The following TOGARAM1 variants were observed in gnomAD, a reference collection of about 807,000 sequenced individuals.
TOGARAM1 encodes TOG array regulator of axonemal microtubules protein 1.
TOGARAM1 carries 100 observed loss-of-function variants against 166.6 expected under a neutral mutation model. The observed-to-expected ratio is 0.60, with a 90% confidence interval of 0.51 to 0.71. The LOEUF (loss-of-function observed/expected upper bound fraction) is 0.71, where lower values mean the gene tolerates loss of function less well. Ranked by LOEUF, TOGARAM1 falls within the 30% of genes least tolerant of loss-of-function variation. TOGARAM1 has a pLI of 0.00. For missense variants in TOGARAM1, 2,029 were observed against 2,102.7 expected, an observed-to-expected ratio of 0.96 and a Z score of 0.69; for synonymous variants, 758 against 763.8, an observed-to-expected ratio of 0.99 and a Z score of 0.13.
chr14:44,997,330 C>G (rs887386679), intron 2 of TOGARAM1: 1 of 140,210 alleles, frequency 7.1e-6, no homozygotes, highest in African/African-American at 2.7e-5. Flanking sequence ...CTCTTCAACC[C>G]GGGAGGCAGA....
chr14:45,068,593 G>A lies in TOGARAM1; in HGVS notation c.4919G>A (p.Gly1640Asp), dbSNP rs1336609933. 1.2e-6 allele frequency: 2 copies of A among 1,613,010 alleles called. No homozygotes were observed. Residue 1640 changes from glycine to aspartate, a missense_variant, in exon 18 of 20, where the codon GGC (glycine) becomes GAC (aspartate). Physicochemically the swap from Gly to Asp is moderately conservative, Grantham distance 94. Around this residue, in one of 2 missense-constraint regions of TOGARAM1, gnomAD observed 576 missense variants for 670.5 expected, o/e 0.86. Coordinates refer to ENST00000361462, the MANE Select transcript of TOGARAM1 (RefSeq NM_001308120.2). ...VDNNLNSKNP[G>D]IYAAATNVVQ... Reference sequence around the variant, plus strand: ...AACAATCTGAATTCCAAGAATCCAGGCATCTATGCGGCTGCTACAAATGTT... The same window carrying A: ...AACAATCTGAATTCCAAGAATCCAGACATCTATGCGGCTGCTACAAATGTT...
chr14:45,011,858 T>G (rs1221541995), intron 6 of TOGARAM1, 117 bp from the exon 7 acceptor site: 12 of 620,734 alleles, frequency 1.9e-5, no homozygotes, highest in Non-Finnish European at 3.1e-5. Context: ...TCATACTTAT[T>G]GCTCCCTTAT....
intron 1 of TOGARAM1, among the ~76,000 whole-genome samples, chr14:44,976,786 T>G (rs1886217365): frequency 6.6e-6 from 1 of 152,206 alleles, no homozygotes; most frequent in African/African-American, 2.4e-5. Flanking sequence ...GAACATTTTG[T>G]TTTTAATAGT....
intron 16 of TOGARAM1, among the ~76,000 whole-genome samples, chr14:45,057,314 T>C (rs113775857): frequency 2.6e-5 from 4 of 152,338 alleles, no homozygotes; most frequent in African/African-American, 9.6e-5. Context: ...CATTTAGTTC[T>C]CATCTGATCT....
At chr14:45,015,298 C>G (rs1880054924) in intron 7 of TOGARAM1, among the ~76,000 whole-genome samples, 1 of 148,832 alleles carries the variant, frequency 6.7e-6, no homozygotes, top group African/African-American at 2.5e-5. Context: ...GAGCAAGAGC[C>G]TATCTCAAAA....
At chr14:45,058,461 A>G (rs750622884) in intron 16 of TOGARAM1, among the ~76,000 whole-genome samples, 7 of 152,104 alleles carry the variant, frequency 4.6e-5, no homozygotes, top group Admixed American at 2.0e-4. Context: ...TGCCCGGCTA[A>G]TTTTTGTACT....
chr14:44,962,222 T>C lies in TOGARAM1; in HGVS notation c.-200T>C. On this transcript the variant is annotated 5_prime_UTR_variant, in exon 1 of 20. Transcript: ENST00000361462. ...GCCCTTGGTTACGCCCGGTGGCAGC[T>C]GTGGGGTCTAGGGCTCAGACGGGGG... is the stretch of plus-strand genomic sequence containing the variant. 1 of 539,770 alleles carries C rather than the reference T, an allele frequency of 1.9e-6. No individual in the cohort carries two copies. The highest frequency in any genetic ancestry group is 3.1e-5 in the East Asian group (1 of 32,326). 33.4% of individuals were successfully genotyped at this position (539,770 alleles called of 1,614,324 possible). A position where few individuals can be genotyped will look rare whatever the true frequency, so the allele number is the denominator to read the frequency against.
chr14:45,062,340 T>C (rs1204970248), intron 16 of TOGARAM1, among the ~76,000 whole-genome samples: 4 of 152,188 alleles, frequency 2.6e-5, no homozygotes, highest in Non-Finnish European at 5.9e-5. Context: ...TGATTTCTGA[T>C]AAATTGGTCC....
At chr14:45,006,709 G>A (rs1408385710) in intron 5 of TOGARAM1, 1 of 152,286 alleles carries the variant, frequency 6.6e-6, no homozygotes, top group Non-Finnish European at 1.5e-5. Flanking sequence ...TATGTCTTAT[G>A]TATTTTTGTA....
Position 45,057,688 on chromosome 14 carries a change from G to T in TOGARAM1, c.4559+3139G>T, listed in dbSNP as rs573317619. Among the ~76,000 whole-genome samples, 3 of 151,896 alleles carry T rather than the reference G, an allele frequency of 2.0e-5. No individual in the cohort carries two copies. The East Asian group carries it at 5.8e-4, about 29-fold the overall frequency. On this transcript the variant is annotated intron_variant, in intron 16 of 19. Transcript: ENST00000361462. ...ACTTCAAAAAATGTTTTAAATTTTT[G>T]TCATTGACTCTGTGGTCGTTCAGGA...
At chr14:45,015,789 G>A (rs1489801897) in intron 7 of TOGARAM1, among the ~76,000 whole-genome samples, 1 of 152,098 alleles carries the variant, frequency 6.6e-6, no homozygotes, top group African/African-American at 2.4e-5. Context: ...TTAAAGCCAG[G>A]AAGCATGATT....
rs1415440887 is a variant in TOGARAM1 at position 44,987,959 on chromosome 14, C to T, written c.2047-7787C>T. ...GAAGAGTTCATGTCCTTTGTAGGGA[C>T]ATGGATGAAGCTGGAAACCATCATT... On this transcript the variant is annotated intron_variant, in intron 1 of 19. Transcript: ENST00000361462. Among the ~76,000 whole-genome samples the T allele has an allele frequency of 7.2e-5, 11 of 152,020 alleles. No individual in the cohort carries two copies. The East Asian group carries it at 2.1e-3, about 29-fold the overall frequency.
In TOGARAM1 at chr14:45,032,196, T is replaced by G. The variant is rs375642621; in HGVS notation, c.3659-27T>G. The stretch of plus-strand genomic sequence containing the variant: ...AATTTTTTTTAAAAAGGTTCTCTCA[T>G]AGTTTATTTAATGTATTTTGTTTTA... On this transcript the variant is annotated intron_variant, in intron 10 of 19. Coordinates refer to ENST00000361462, the MANE Select transcript of TOGARAM1 (RefSeq NM_001308120.2). The G allele has an allele frequency of 7.2e-4, 1,145 of 1,583,236 alleles. 2 individuals carry two copies. Among genetic ancestry groups the G allele is most frequent in the Non-Finnish European group, 9.4e-4 (1,101 of 1,170,146 alleles).
At chr14:45,003,389 A>C (rs971702426) in intron 3 of TOGARAM1, among the ~76,000 whole-genome samples, 1 of 152,138 alleles carries the variant, frequency 6.6e-6, no homozygotes, top group Non-Finnish European at 1.5e-5. Context: ...AATAAAAGGC[A>C]AGGAAGAAGT....
At chr14:45,020,420 C>T (rs570199542) in intron 7 of TOGARAM1, among the ~76,000 whole-genome samples, 5 of 152,290 alleles carry the variant, frequency 3.3e-5, no homozygotes, top group East Asian at 3.9e-4. Flanking sequence ...GTCGGCAACC[C>T]GTTCCATGTC....
At position 45,006,191 on chromosome 14, in the gene TOGARAM1, G is replaced by C; in HGVS notation, c.2828G>C (p.Trp943Ser). 6.2e-7 allele frequency: 1 copy of C among 1,613,722 alleles called. No homozygotes were observed. Among genetic ancestry groups the C allele is most frequent in the Non-Finnish European group, 8.5e-7 (1 of 1,179,770 alleles). Residue 943 changes from tryptophan (W) to serine (S), a missense_variant, in exon 5 of 20, where the codon TGG becomes TCG. Transcript: ENST00000361462. Reference sequence around the variant, plus strand: ...AAAAAGAAAGAGCCTGATGATATTTGGAAGTGTGAAAAAGATAGTCTTCCA... The same window carrying C: ...AAAAAGAAAGAGCCTGATGATATTTCGAAGTGTGAAAAAGATAGTCTTCCA... ...GHKKKEPDDI[W>S]KCEKDSLPID...
intron 14 of TOGARAM1, among the ~76,000 whole-genome samples, chr14:45,046,923 A>G (rs1467014338): frequency 2.0e-5 from 3 of 152,184 alleles, no homozygotes; most frequent in Non-Finnish European, 4.4e-5. Context: ...ACTTCTGGGT[A>G]GTGAGATGCC....
At chr14:45,057,284 G>A (rs1347300244) in intron 16 of TOGARAM1, among the ~76,000 whole-genome samples, 1 of 152,118 alleles carries the variant, frequency 6.6e-6, no homozygotes, top group Admixed American at 6.6e-5. Context: ...GATGAATCTT[G>A]CGGGGTATGG....
chr14:45,045,627 GTA>G (rs1425963548), intron 13 of TOGARAM1, among the ~76,000 whole-genome samples: 21 of 63,820 alleles, frequency 3.3e-4, no homozygotes, highest in South Asian at 9.6e-4. Flanking sequence ...GTATATATAT[GTA>G]TATATATACA....
Sources: gnomAD v4.1 joint callset for allele counts (sites outside exome capture counted in the v4.1 genomes callset) on GRCh38, gnomAD v4.1.1 for gene constraint, gnomAD v4.1.1 regional missense constraint, MANE v1.5 for transcripts, NCBI Gene and HGNC (gene_info 2026-07-23, HGNC 2026-07-21) for gene names.